The following DDX31 variants were observed in gnomAD, a reference collection of about 807,000 sequenced individuals.
DDX31 encodes ATP-dependent DNA helicase DDX31.
In DDX31, 70 loss-of-function variants were observed where a neutral mutation model predicts 91.3. The ratio of observed to expected loss-of-function variants is 0.77; its 90% CI spans 0.63 to 0.94. The LOEUF is 0.94. Among genes scored for constraint, DDX31 ranks in the 40% least tolerant of loss-of-function variants. DDX31 has a pLI of 0.00. For missense variants in DDX31, 902 were observed against 925.0 expected (o/e 0.98, Z 0.32); for synonymous variants, 362 against 350.6 (o/e 1.03, Z -0.36).
rs776590974 is a variant in DDX31, at chr9:132,593,474, G to C, written c.*1392C>G. The C allele has an allele frequency of 5.9e-5, 9 of 152,128 alleles. No individual in the cohort carries two copies. The highest frequency in any genetic ancestry group is 1.0e-4 in the Non-Finnish European group (7 of 68,026). The allele number at this position is 152,128 out of a possible 1,614,324, so 9.4% of individuals were successfully genotyped here. On this transcript the variant is annotated 3_prime_UTR_variant, in exon 20 of 20. Coordinates refer to ENST00000372159, the MANE Select transcript of DDX31 (RefSeq NM_022779.9). ...AACGCCAGGCTGACATGTGCTGCAG[G>C]GTTGTTGTTTTTTAATTATTATTGT...
chr9:132,661,336 A>C (rs879284453), intron 3 of DDX31, 85 bp from the exon 4 acceptor site: 22 of 1,167,784 alleles, frequency 1.9e-5, no homozygotes, highest in Middle Eastern at 2.8e-4. Context: ...GAAACTATTG[A>C]GAGAACATTG....
chr9:132,611,313 T>A (rs1831324069), intron 19 of DDX31, among the ~76,000 whole-genome samples: 1 of 152,150 alleles, frequency 6.6e-6, no homozygotes, highest in Non-Finnish European at 1.5e-5. Flanking sequence ...ACATAAACAA[T>A]GAGACCATCC....
At position 132,648,505 on chromosome 9, in the gene DDX31, C is replaced by A; in HGVS notation, c.787G>T (p.Val263Leu). 6.2e-7 allele frequency: 1 copy of A among 1,613,850 alleles called. No individual in the cohort carries two copies. Among genetic ancestry groups the A allele is most frequent in the Non-Finnish European group, 8.5e-7 (1 of 1,179,926 alleles). Residue 263 changes from valine to leucine, a missense_variant, in exon 10 of 20, where the codon GTG becomes TTG. By Grantham distance (32) the Val-to-Leu change is conservative (BLOSUM62 1). Coordinates refer to ENST00000372159, the MANE Select transcript of DDX31 (RefSeq NM_022779.9). ...TTCTTTGTGGATTTTATATGATCCACCAGGCGTCCAGGAGTTGAGATAAGG... is the reference window on the plus strand; with the variant it reads ...TTCTTTGTGGATTTTATATGATCCAACAGGCGTCCAGGAGTTGAGATAAGG... ...NILISTPGRL[V>L]DHIKSTKNIH... is the part of the protein sequence containing the mutation.
rs747770656 is a variant in DDX31 at position 132,647,048 on chromosome 9, C to G, written c.978G>C (p.Arg326=). ...LSATLTEGVT[R]LADISLHDPV... ...GATCATGCAAACTGATATCAGCTAG[C>G]CGCGTTACACCTTGGATAAAAGTAA... Residue 326 remains arginine (R), a synonymous_variant, in exon 12 of 20, where the codon CGG becomes CGC. Transcript: ENST00000372159. The G allele has an allele frequency of 6.2e-7, 1 of 1,610,642 alleles. No individual in the cohort carries two copies.
chr9:132,610,375 C>A lies in DDX31; in HGVS notation c.1994+1712G>T, dbSNP rs115440463. Among the ~76,000 whole-genome samples, 407 of 152,310 alleles carry A rather than the reference C, an allele frequency of 2.7e-3. 3 individuals carry two copies. Among genetic ancestry groups the A allele is most frequent in the African/African-American group, 9.3e-3 (387 of 41,564 alleles). ...GTAGAGCAGCACATAGAAACAGTTTCTGTTTGTTTTTCCTCAAAGAATTAC... is the reference window on the plus strand; with the variant it reads ...GTAGAGCAGCACATAGAAACAGTTTATGTTTGTTTTTCCTCAAAGAATTAC... On this transcript the variant is annotated intron_variant, in intron 19 of 19. Transcript: ENST00000372159.
At position 132,609,570 on chromosome 9, in the gene DDX31, T is replaced by TC. The variant is rs1831209817; in HGVS notation, c.1994+2516dup. 2.6e-5 allele frequency among the ~76,000 whole-genome samples: 4 copies of TC among 152,308 alleles called. No homozygotes were observed. In the South Asian group the frequency reaches 8.3e-4, roughly 32 times the overall value. On this transcript the variant is annotated intron_variant, in intron 19 of 19. Transcript: ENST00000372159. ...GGGAGATCATCTGCTAACTATGAAA[T>TC]CTTGGGATTGCATTTATTTTCAGGG...
At chr9:132,626,365 G>T (rs1230236358) in intron 16 of DDX31, among the ~76,000 whole-genome samples, 1 of 152,148 alleles carries the variant, frequency 6.6e-6, no homozygotes, top group Non-Finnish European at 1.5e-5. Flanking sequence ...CAAGAGCTTG[G>T]GCTTCACTCA....
intron 19 of DDX31, among the ~76,000 whole-genome samples, chr9:132,608,013 C>A (rs1831118086): frequency 6.6e-6 from 1 of 152,210 alleles, no homozygotes; most frequent in African/African-American, 2.4e-5. Context: ...CCTCTCCCAG[C>A]AGACAGTGCT....
intron 7 of DDX31, among the ~76,000 whole-genome samples, chr9:132,651,405 C>T (rs945462193): frequency 6.6e-6 from 1 of 152,094 alleles, no homozygotes; most frequent in Non-Finnish European, 1.5e-5. Context: ...CAGAGAAGTT[C>T]AAGTCTGTGG....
At chr9:132,648,131 C>A in intron 11 of DDX31, 58 bp downstream of exon 11, 1 of 1,431,776 alleles carries the variant, frequency 7.0e-7, no homozygotes, top group East Asian at 2.3e-5. Context: ...CAGGTTAAAT[C>A]TAGGTCCTTC....
Position 132,594,649 on chromosome 9 carries a change from G to A in DDX31, c.*217C>T, listed in dbSNP as rs1227295805. 3.3e-5 allele frequency: 22 copies of A among 673,978 alleles called. No homozygotes were observed. The South Asian group carries it at 3.5e-4, about 11-fold the overall frequency. The allele number at this position is 673,978 out of a possible 1,614,324, so 41.7% of individuals were successfully genotyped here. A position where few individuals can be genotyped will look rare whatever the true frequency, so the allele number is the denominator to read the frequency against. On this transcript the variant is annotated 3_prime_UTR_variant, in exon 20 of 20. Transcript: ENST00000372159. ...ATACAAGACACAGACCCCTTCCGTC[G>A]GGAGCTGGCTAGTCTCTACAGTGCC...
intron 8 of DDX31, among the ~76,000 whole-genome samples, chr9:132,650,695 A>C (rs1834131164): frequency 6.6e-6 from 1 of 152,220 alleles, no homozygotes; most frequent in South Asian, 2.1e-4. Context: ...GGATCAATTC[A>C]TGATCCAATT....
At chr9:132,621,993 TAA>T (rs11306949) in intron 17 of DDX31, among the ~76,000 whole-genome samples, 34,929 of 143,582 alleles carry the variant, frequency 0.24, 4,248 homozygotes, top group East Asian at 0.4. Context: ...CAGCTTTTCT[TAA>T]AAAAAAAAAA....
At chr9:132,643,021 G>C (rs1833595633) in intron 13 of DDX31, among the ~76,000 whole-genome samples, 1 of 152,076 alleles carries the variant, frequency 6.6e-6, no homozygotes, top group South Asian at 2.1e-4. Context: ...ACGAGGTTTT[G>C]CCATGCTGCT....
intron 19 of DDX31, among the ~76,000 whole-genome samples, chr9:132,602,156 A>T (rs1830755133): frequency 6.6e-6 from 1 of 152,240 alleles, no homozygotes; most frequent in African/African-American, 2.4e-5. Flanking sequence ...GAAAGTAGTG[A>T]ATTCTGGCTC....
rs567086260 is a variant in DDX31 at position 132,638,210 on chromosome 9, C to A, written c.1440+3794G>T. 6 of 1,510,512 alleles carry A rather than the reference C, an allele frequency of 4.0e-6. No individual in the cohort carries two copies. The African/African-American group carries it at 7.0e-5, about 18-fold the overall frequency. The allele number at this position is 1,510,512 out of a possible 1,614,324, so 93.6% of individuals were successfully genotyped here. ...TCCAGGGACAATCAAGGACAGCCACCGGAGACCAACAGAAAACCTAATGTC... is the reference window on the plus strand; with the variant it reads ...TCCAGGGACAATCAAGGACAGCCACAGGAGACCAACAGAAAACCTAATGTC... On this transcript the variant is annotated intron_variant, in intron 14 of 19. Coordinates refer to ENST00000372159, the MANE Select transcript of DDX31 (RefSeq NM_022779.9).
At chr9:132,613,468 G>T (rs1378671923) in intron 18 of DDX31, among the ~76,000 whole-genome samples, 1 of 152,078 alleles carries the variant, frequency 6.6e-6, no homozygotes, top group Non-Finnish European at 1.5e-5. Flanking sequence ...CCAAGTCGGG[G>T]GGATCACCTG....
chr9:132,622,948 T>G (rs1832134678), intron 17 of DDX31, among the ~76,000 whole-genome samples: 1 of 151,800 alleles, frequency 6.6e-6, no homozygotes, highest in Non-Finnish European at 1.5e-5. Context: ...CTGGCCAAGA[T>G]GGTGAAACCC....
At chr9:132,663,537 C>T (rs971841575) in intron 1 of DDX31, 84 of 985,070 alleles carry the variant, frequency 8.5e-5, no homozygotes, top group Non-Finnish European at 9.6e-5. Flanking sequence ...CATCCAATTC[C>T]TCTATTTTCT....
Sources: gnomAD v4.1 joint callset for allele counts (sites outside exome capture counted in the v4.1 genomes callset) on GRCh38, gnomAD v4.1.1 for gene constraint, MANE v1.5 for transcripts, NCBI Gene and HGNC (gene_info 2026-07-23, HGNC 2026-07-21) for gene names.